The following COL24A1 variants were observed in gnomAD, a reference collection of about 807,000 sequenced individuals.
COL24A1 encodes the protein collagen type XXIV alpha 1 chain, also known as collagen alpha-1(XXIV) chain.
Under a neutral mutation model 253.9 loss-of-function variants are expected in COL24A1, and 224 were observed. The ratio of observed to expected loss-of-function variants is 0.88; its 90% CI spans 0.79 to 0.99. The LOEUF is 0.99. Among genes scored for constraint, COL24A1 ranks in the 50% least tolerant of loss-of-function variants. The pLI is 0.00. For missense variants in COL24A1, 2,131 were observed against 2,068.5 expected (o/e 1.03, Z -0.59); for synonymous variants, 685 against 673.7 (o/e 1.02, Z -0.26).
intron 20 of COL24A1, among the ~76,000 whole-genome samples, chr1:85,981,006 T>A (rs559265355): frequency 1.3e-5 from 2 of 152,104 alleles, no homozygotes; most frequent in Non-Finnish European, 2.9e-5. Context: ...ATAGATGACA[T>A]AAGCAAATGG....
At chr1:85,975,299 G>C (rs1219204917) in intron 20 of COL24A1, among the ~76,000 whole-genome samples, 4 of 152,136 alleles carry the variant, frequency 2.6e-5, no homozygotes, top group Admixed American at 2.0e-4. Flanking sequence ...ATATCAGAGA[G>C]ATAATCTGCA....
At chr1:85,768,014 A>G (rs150130469) in intron 53 of COL24A1, among the ~76,000 whole-genome samples, 1 of 152,210 alleles carries the variant, frequency 6.6e-6, no homozygotes, top group Non-Finnish European at 1.5e-5. Flanking sequence ...AAGAAAACAA[A>G]ACAAGATACA....
intron 5 of COL24A1, among the ~76,000 whole-genome samples, chr1:86,106,341 T>G (rs1314056404): frequency 6.6e-6 from 1 of 151,974 alleles, no homozygotes; most frequent in African/African-American, 2.4e-5. Flanking sequence ...AATGAAACAT[T>G]GTTACTGTGG....
chr1:86,154,698 T>A (rs911954964), intron 1 of COL24A1: 1 of 152,682 alleles, frequency 6.5e-6, no homozygotes, highest in Non-Finnish European at 1.5e-5. Context: ...CTGCTTTAAC[T>A]CCGGTGGTTG....
At position 86,001,679 on chromosome 1, in the gene COL24A1, G is replaced by C. The variant is rs538426010; in HGVS notation, c.2311-14025C>G. 2.0e-5 allele frequency among the ~76,000 whole-genome samples: 3 copies of C among 152,206 alleles called. No homozygotes were observed. In the East Asian group the frequency reaches 5.8e-4, roughly 29 times the overall value. On this transcript the variant is annotated intron_variant, in intron 19 of 59. Coordinates refer to ENST00000370571, the MANE Select transcript of COL24A1 (RefSeq NM_152890.7). ...ATGAAAACAGGCTTTGATGGGAAGG[G>C]CAAATTATAGGGGAAAAAAAAGAGC...
chr1:86,014,008 A>G (rs1696774419), intron 19 of COL24A1, among the ~76,000 whole-genome samples: 1 of 152,202 alleles, frequency 6.6e-6, no homozygotes, highest in Admixed American at 6.5e-5. Context: ...TTTCAAGACT[A>G]AGAAAACAGA....
At chr1:85,895,800 CT>C (rs1683626705) in intron 31 of COL24A1, 57 bp downstream of exon 31, 1 of 1,424,340 alleles carries the variant, frequency 7.0e-7, no homozygotes, top group Non-Finnish European at 9.7e-7. Context: ...TGAGCAGCCC[CT>C]TTCCCCCAAA....
At chr1:86,013,937 C>T (rs567796107) in intron 19 of COL24A1, among the ~76,000 whole-genome samples, 8 of 152,326 alleles carry the variant, frequency 5.3e-5, no homozygotes, top group Non-Finnish European at 7.3e-5. Flanking sequence ...CTCTCACTTA[C>T]TTTTCAAAGA....
intron 18 of COL24A1, among the ~76,000 whole-genome samples, chr1:86,017,901 T>C (rs1291668073): frequency 2.0e-5 from 3 of 152,200 alleles, no homozygotes; most frequent in African/African-American, 7.2e-5. Flanking sequence ...TTTCATCCTT[T>C]AATTGAAGTT....
intron 13 of COL24A1, 70 bp downstream of exon 13, chr1:86,033,800 A>T: frequency 7.8e-7 from 1 of 1,279,032 alleles, no homozygotes; most frequent in Non-Finnish European, 1.1e-6. Flanking sequence ...GATAATAAGG[A>T]CTGTAAGTGC....
At chr1:85,744,608 C>A in intron 57 of COL24A1, 58 bp downstream of exon 57, 1 of 1,414,702 alleles carries the variant, frequency 7.1e-7, no homozygotes, top group Non-Finnish European at 9.7e-7. Context: ...AAATCTCAAA[C>A]ACACTGAAAT....
At chr1:85,937,454 C>A (rs954536804) in intron 24 of COL24A1, among the ~76,000 whole-genome samples, 18 of 147,490 alleles carry the variant, frequency 1.2e-4, no homozygotes, top group African/African-American at 4.5e-4. Flanking sequence ...GGAGTAGGCA[C>A]GAAGTGTGAA....
At chr1:86,134,923 G>T (rs1311765493) in intron 2 of COL24A1, among the ~76,000 whole-genome samples, 12 of 151,184 alleles carry the variant, frequency 7.9e-5, no homozygotes, top group Middle Eastern at 3.4e-3. Context: ...TCTGTCTCGT[G>T]GATCTGTCTA....
chr1:85,767,918 C>T (rs1225583863), intron 53 of COL24A1, among the ~76,000 whole-genome samples: 2 of 152,136 alleles, frequency 1.3e-5, no homozygotes, highest in Admixed American at 1.3e-4. Context: ...CACTGATAAC[C>T]TGTGTACCAC....
At chr1:85,915,606 A>T (rs963399395) in intron 24 of COL24A1, among the ~76,000 whole-genome samples, 1 of 152,366 alleles carries the variant, frequency 6.6e-6, no homozygotes, top group Admixed American at 6.5e-5. Context: ...GACAGTAAAC[A>T]AAATAACAGA....
intron 19 of COL24A1, among the ~76,000 whole-genome samples, chr1:85,997,802 A>C (rs1694995659): frequency 1.3e-5 from 2 of 151,876 alleles, no homozygotes; most frequent in South Asian, 4.1e-4. Context: ...TCAAAGCCTG[A>C]TTGGCTGGAG....
At chr1:85,772,588 T>A (rs1430761753) in intron 53 of COL24A1, among the ~76,000 whole-genome samples, 1 of 152,080 alleles carries the variant, frequency 6.6e-6, no homozygotes, top group South Asian at 2.1e-4. Flanking sequence ...GGTGTCTCAT[T>A]GTGGTTTTGA....
intron 46 of COL24A1, among the ~76,000 whole-genome samples, chr1:85,817,799 A>C (rs755863710): frequency 1.8e-4 from 27 of 152,162 alleles, no homozygotes; most frequent in Non-Finnish European, 3.4e-4. Context: ...GGAGGGCTTC[A>C]TAACCAGGAA....
chr1:86,128,687 T>C (rs1648696187), intron 2 of COL24A1, among the ~76,000 whole-genome samples: 1 of 152,000 alleles, frequency 6.6e-6, no homozygotes, highest in Non-Finnish European at 1.5e-5. Context: ...ATATGTATAT[T>C]AATATGCTTC....
Sources: allele counts gnomAD v4.1 joint callset (sites outside exome capture counted in the v4.1 genomes callset), GRCh38; gene constraint gnomAD v4.1.1; transcripts MANE v1.5; gene names NCBI Gene and HGNC (gene_info 2026-07-23, HGNC 2026-07-21).